PGCKA1: variants seen among roughly 807,000 people sequenced by gnomAD.
PGCKA1 encodes PDCD10 and GCKIII kinases associated 1.
the PGCKA1 span, among the ~76,000 whole-genome samples, chr4:37,513,108 AAGAAAG>A: frequency 2.4e-5 from 1 of 41,634 alleles, no homozygotes; most frequent in Non-Finnish European, 5.2e-5. Context: ...AAAAGAAAGA[AAGAAAG>A]AAAGAAAGAA....
At chr4:37,555,651 T>G in the PGCKA1 span, among the ~76,000 whole-genome samples, 1 of 152,168 alleles carries the variant, frequency 6.6e-6, no homozygotes, top group Non-Finnish European at 1.5e-5. Context: ...TACAGTATAA[T>G]CAAAGTCAAG....
At chr4:37,516,396 A>G in the PGCKA1 span, among the ~76,000 whole-genome samples, 1 of 152,240 alleles carries the variant, frequency 6.6e-6, no homozygotes, top group Non-Finnish European at 1.5e-5. Flanking sequence ...CTATGAGTAA[A>G]ATATGTGGCA....
At chr4:37,567,302 A>G in the PGCKA1 span, among the ~76,000 whole-genome samples, 4,605 of 152,248 alleles carry the variant, frequency 0.03, 238 homozygotes, top group African/African-American at 0.11. Context: ...AAAGTCCCCA[A>G]AACAGTCCTT....
chr4:37,456,332 CT>C, the PGCKA1 span, among the ~76,000 whole-genome samples: 7 of 152,142 alleles, frequency 4.6e-5, no homozygotes, highest in African/African-American at 1.7e-4. Flanking sequence ...TACTTGTACC[CT>C]TTTCACCCGA....
the PGCKA1 span, among the ~76,000 whole-genome samples, chr4:37,506,278 T>A: frequency 6.6e-6 from 1 of 152,162 alleles, no homozygotes; most frequent in South Asian, 2.1e-4. Context: ...TCAACTTCAT[T>A]TATTTCTGGT....
the PGCKA1 span, among the ~76,000 whole-genome samples, chr4:37,582,058 C>T: frequency 2.6e-5 from 4 of 152,130 alleles, no homozygotes; most frequent in South Asian, 2.1e-4. Context: ...TGAGTTCAAA[C>T]GCAAAGTCCC....
At chr4:37,493,599 G>C in the PGCKA1 span, among the ~76,000 whole-genome samples, 1 of 152,142 alleles carries the variant, frequency 6.6e-6, no homozygotes, top group Admixed American at 6.5e-5. Context: ...AACTTTTACA[G>C]ATGAAAGAAA....
chr4:37,587,801 T>G, the PGCKA1 span, among the ~76,000 whole-genome samples: 3 of 152,102 alleles, frequency 2.0e-5, no homozygotes, highest in East Asian at 5.8e-4. Context: ...AAACCCTGTC[T>G]CTACTAAAAA....
the PGCKA1 span, among the ~76,000 whole-genome samples, chr4:37,463,096 C>G: frequency 6.6e-6 from 1 of 151,682 alleles, no homozygotes; most frequent in Non-Finnish European, 1.5e-5. Context: ...CTTAAAGGAT[C>G]TCCCATAAGT....
At chr4:37,505,714 C>A in the PGCKA1 span, among the ~76,000 whole-genome samples, 2 of 152,182 alleles carry the variant, frequency 1.3e-5, no homozygotes, top group Non-Finnish European at 2.9e-5. Context: ...ATGGGAAAGA[C>A]CTGCCCCCAT....
At chr4:37,543,665 GAA>G in the PGCKA1 span, among the ~76,000 whole-genome samples, 2 of 148,028 alleles carry the variant, frequency 1.4e-5, no homozygotes, top group East Asian at 4.0e-4. Flanking sequence ...CATCTCTACT[GAA>G]AAAAAAAATA....
chr4:37,560,440 T>G, the PGCKA1 span, among the ~76,000 whole-genome samples: 1 of 152,160 alleles, frequency 6.6e-6, no homozygotes, highest in African/African-American at 2.4e-5. Context: ...GGCCTTTACC[T>G]GGATTGCCGG....
At chr4:37,569,134 T>C in the PGCKA1 span, among the ~76,000 whole-genome samples, 31 of 152,130 alleles carry the variant, frequency 2.0e-4, no homozygotes, top group African/African-American at 5.8e-4. Context: ...AACTTCACCA[T>C]GTCCATGCCA....
chr4:37,510,889 T>C, the PGCKA1 span, among the ~76,000 whole-genome samples: 1 of 151,944 alleles, frequency 6.6e-6, no homozygotes, highest in Non-Finnish European at 1.5e-5. Context: ...TATTCTATTC[T>C]ACTGTGGCTG....
At chr4:37,510,469 C>A in the PGCKA1 span, among the ~76,000 whole-genome samples, 2 of 152,056 alleles carry the variant, frequency 1.3e-5, no homozygotes, top group Admixed American at 6.5e-5. Flanking sequence ...GTACTGGTAC[C>A]ACCTTGGTGG....
the PGCKA1 span, among the ~76,000 whole-genome samples, chr4:37,502,526 G>A: frequency 6.6e-6 from 1 of 152,152 alleles, no homozygotes; most frequent in African/African-American, 2.4e-5. Context: ...TGGTGGGGGT[G>A]GCAGGCCCTG....
At chr4:37,543,948 G>T in the PGCKA1 span, among the ~76,000 whole-genome samples, 1 of 152,070 alleles carries the variant, frequency 6.6e-6, no homozygotes, top group Non-Finnish European at 1.5e-5. Flanking sequence ...ATCATCCTTG[G>T]TAATACTTTT....
At chr4:37,457,716 A>G in the PGCKA1 span, among the ~76,000 whole-genome samples, 2 of 152,228 alleles carry the variant, frequency 1.3e-5, no homozygotes, top group African/African-American at 2.4e-5. Context: ...CAGAATATGT[A>G]TTGTAACCTA....
the PGCKA1 span, among the ~76,000 whole-genome samples, chr4:37,538,083 A>G: frequency 6.8e-6 from 1 of 147,082 alleles, no homozygotes; most frequent in Admixed American, 6.8e-5. Context: ...ACACACACAC[A>G]CACGCACACC....
Sources: gnomAD v4.1 joint callset for allele counts (sites outside exome capture counted in the v4.1 genomes callset) on GRCh38, gnomAD v4.1.1 for gene constraint, MANE v1.5 for transcripts, NCBI Gene and HGNC (gene_info 2026-07-23, HGNC 2026-07-21) for gene names.